Variants in TNS3 observed in about 807,000 individuals in gnomAD.
TNS3 encodes tensin 3.
A neutral mutation model predicts 140.9 loss-of-function variants in TNS3; 45 were observed. That is an observed-to-expected ratio of 0.32 (90% CI 0.25 to 0.41). TNS3 has a LOEUF of 0.41. Ranked by LOEUF, TNS3 falls within the 10% of genes least tolerant of loss-of-function variation. The probability of loss-of-function intolerance (pLI) is 1.00; values close to 1 mark genes in which losing one functional copy is unlikely to be tolerated. For synonymous variants in TNS3, 815 were observed against 788.4 expected (o/e 1.03, Z -0.56); for missense variants, 1,716 against 1,906.7 (o/e 0.90, Z 1.86).
At chr7:47,445,166 C>T (rs1217530712) in intron 4 of TNS3, among the ~76,000 whole-genome samples, 4 of 152,188 alleles carry the variant, frequency 2.6e-5, no homozygotes, top group Non-Finnish European at 5.9e-5. Flanking sequence ...CAGCTTGACA[C>T]CCACTCAAAT....
At chr7:47,411,932 T>A in intron 12 of TNS3, 130 bp from the exon 13 acceptor site, 1 of 833,338 alleles carries the variant, frequency 1.2e-6, no homozygotes, top group Non-Finnish European at 1.9e-6. Flanking sequence ...GCCCAGAATC[T>A]AATTCCTGAG....
intron 4 of TNS3, among the ~76,000 whole-genome samples, chr7:47,465,178 G>C (rs1208204330): frequency 1.3e-5 from 2 of 152,218 alleles, no homozygotes; most frequent in African/African-American, 2.4e-5. Flanking sequence ...TGTGAACTCT[G>C]TGCCATGTGT....
rs1018127591 is a variant in TNS3, at chr7:47,534,648, G to A, written c.-264-5501C>T. 4.6e-5 allele frequency among the ~76,000 whole-genome samples: 7 copies of A among 152,046 alleles called. No individual in the cohort carries two copies. In the South Asian group the frequency reaches 6.2e-4, roughly 14 times the overall value. On this transcript the variant is annotated intron_variant, in intron 1 of 30. Coordinates refer to ENST00000311160, the MANE Select transcript of TNS3 (RefSeq NM_022748.12). ...GACAGAACCACCACTGTATATAACC[G>A]ACTATACTGTAAGTATCTATATACA... is the stretch of plus-strand genomic sequence containing the variant.
At chr7:47,578,598 CGGT>C in intron 1 of TNS3, among the ~76,000 whole-genome samples, 1 of 152,026 alleles carries the variant, frequency 6.6e-6, no homozygotes, top group Non-Finnish European at 1.5e-5. Flanking sequence ...TAGAGGGCCA[CGGT>C]GCTCCTGGAG....
rs142850147 is a variant in TNS3 at position 47,322,722 on chromosome 7, T to C, written c.2651-17719A>G. On this transcript the variant is annotated intron_variant, in intron 20 of 30. Coordinates refer to ENST00000311160, the MANE Select transcript of TNS3 (RefSeq NM_022748.12). Reference sequence around the variant, plus strand: ...TCTAAGTTGCTGATAATATTTACCATGAGTCGAGTGCAGTGCTCAAGCTGG... The same window carrying C: ...TCTAAGTTGCTGATAATATTTACCACGAGTCGAGTGCAGTGCTCAAGCTGG... Among the ~76,000 whole-genome samples, 964 of 152,254 alleles carry C rather than the reference T, an allele frequency of 6.3e-3. 6 individuals are homozygous for C. Among genetic ancestry groups the C allele is most frequent in the Middle Eastern group, 0.02 (6 of 294 alleles).
intron 17 of TNS3, among the ~76,000 whole-genome samples, chr7:47,367,789 T>C (rs1031891104): frequency 1.3e-5 from 2 of 152,202 alleles, no homozygotes; most frequent in African/African-American, 4.8e-5. Flanking sequence ...AGCCACTGCC[T>C]TCCATAACCA....
chr7:47,360,307 G>GA (rs1790240971), intron 17 of TNS3, among the ~76,000 whole-genome samples: 2 of 152,134 alleles, frequency 1.3e-5, no homozygotes, highest in East Asian at 3.9e-4. Context: ...GTCTAGTCCT[G>GA]ACCCCTGGGC....
chr7:47,315,829 T>C (rs1377243257), intron 20 of TNS3, among the ~76,000 whole-genome samples: 1 of 152,196 alleles, frequency 6.6e-6, no homozygotes, highest in Admixed American at 6.5e-5. Flanking sequence ...TGTTCCCAAT[T>C]TCCCGTGTTC....
At chr7:47,400,987 C>T (rs906601626) in intron 13 of TNS3, 73 bp from the exon 14 acceptor site, 1 of 1,589,344 alleles carries the variant, frequency 6.3e-7, no homozygotes, top group Non-Finnish European at 8.6e-7. Flanking sequence ...GAACACACTC[C>T]GCGGAGGCCG....
At chr7:47,512,065 C>T (rs143616096) in intron 2 of TNS3, among the ~76,000 whole-genome samples, 11 of 152,342 alleles carry the variant, frequency 7.2e-5, no homozygotes, top group Non-Finnish European at 1.3e-4. Flanking sequence ...CAGCACAGAG[C>T]GGAAGCTGCC....
intron 4 of TNS3, among the ~76,000 whole-genome samples, chr7:47,454,537 G>A (rs183931430): frequency 4.9e-4 from 74 of 152,232 alleles, no homozygotes; most frequent in African/African-American, 1.7e-3. Context: ...GAGAGAGGAG[G>A]GTTGCATGTG....
chr7:47,485,852 G>C (rs1246102461), intron 3 of TNS3, among the ~76,000 whole-genome samples: 1 of 152,256 alleles, frequency 6.6e-6, no homozygotes. Flanking sequence ...AAGCCAGCAG[G>C]TCCACAGGAC....
intron 1 of TNS3, among the ~76,000 whole-genome samples, chr7:47,578,522 C>T (rs1252830111): frequency 1.3e-5 from 2 of 151,488 alleles, no homozygotes; most frequent in East Asian, 3.9e-4. Flanking sequence ...GTGAGGGATA[C>T]CAGGTAGAGC....
intron 16 of TNS3, among the ~76,000 whole-genome samples, chr7:47,396,020 T>C (rs1191045205): frequency 6.6e-6 from 1 of 152,244 alleles, no homozygotes; most frequent in African/African-American, 2.4e-5. Context: ...TGCAGTTCTT[T>C]CCACAACACT....
intron 1 of TNS3, among the ~76,000 whole-genome samples, chr7:47,542,908 G>A (rs1299251089): frequency 7.3e-6 from 1 of 137,506 alleles, no homozygotes; most frequent in African/African-American, 2.7e-5. Flanking sequence ...CCAACCACGG[G>A]GAACAGTGCA....
intron 6 of TNS3, among the ~76,000 whole-genome samples, chr7:47,437,542 G>A (rs1383092588): frequency 1.3e-5 from 2 of 151,412 alleles, no homozygotes; most frequent in African/African-American, 2.4e-5. Context: ...TCCAGGTACC[G>A]AGGATCAGAA....
At chr7:47,534,766 C>T (rs1799542057) in intron 1 of TNS3, among the ~76,000 whole-genome samples, 1 of 152,162 alleles carries the variant, frequency 6.6e-6, no homozygotes, top group African/African-American at 2.4e-5. Flanking sequence ...GTTGTGTGTT[C>T]AGTGCTCTGC....
chr7:47,291,556 G>GTT, intron 27 of TNS3, among the ~76,000 whole-genome samples: 1 of 152,240 alleles, frequency 6.6e-6, no homozygotes, highest in South Asian at 2.1e-4. Context: ...CTTGGGTGTT[G>GTT]TATGTCTCAC....
chr7:47,301,430 A>G (rs1158329401), intron 23 of TNS3, among the ~76,000 whole-genome samples: 3 of 152,146 alleles, frequency 2.0e-5, no homozygotes, highest in South Asian at 2.1e-4. Flanking sequence ...CACAGCATCC[A>G]GGGAGAAAAG....
Sources: allele counts gnomAD v4.1 joint callset (sites outside exome capture counted in the v4.1 genomes callset), GRCh38; gene constraint gnomAD v4.1.1; transcripts MANE v1.5; gene names NCBI Gene and HGNC (gene_info 2026-07-23, HGNC 2026-07-21).